KITLG: variants seen among roughly 807,000 people sequenced by gnomAD.
KITLG encodes the protein c-Kit ligand.
KITLG carries 13 observed loss-of-function variants against 34.1 expected under a neutral mutation model. The ratio of observed to expected loss-of-function variants is 0.38; its 90% confidence interval spans 0.25 to 0.61. The LOEUF (loss-of-function observed/expected upper bound fraction) is 0.61, where lower values mean the gene tolerates loss of function less well. Among genes scored for constraint, KITLG ranks in the 20% least tolerant of loss-of-function variants. The pLI, the probability that KITLG is intolerant of heterozygous loss-of-function variation, is 0.60. For missense variants in KITLG, 292 were observed against 318.9 expected (o/e 0.92, Z 0.64); for synonymous variants, 110 against 104.0 (o/e 1.06, Z -0.35).
At chr12:88,529,961 A>T (rs1330921227) in intron 3 of KITLG, among the ~76,000 whole-genome samples, 5 of 152,228 alleles carry the variant, frequency 3.3e-5, no homozygotes, top group South Asian at 2.1e-4. Flanking sequence ...AAACAAGCAC[A>T]AAATATGTGG....
At chr12:88,524,727 T>G (rs1044049786) in intron 3 of KITLG, among the ~76,000 whole-genome samples, 9 of 152,214 alleles carry the variant, frequency 5.9e-5, no homozygotes, top group African/African-American at 2.2e-4. Flanking sequence ...GACGGGCCCC[T>G]GTGCTGTAGT....
In KITLG at chr12:88,505,070, G is replaced by A. The variant is rs139609350; in HGVS notation, c.*37+89C>T. ...ACCAACATGGCACATGTAAACATACGTAACAAACCTGCACATTGTGCACAT... is the reference window on the plus strand; with the variant it reads ...ACCAACATGGCACATGTAAACATACATAACAAACCTGCACATTGTGCACAT... On this transcript the variant is annotated intron_variant, in intron 9 of 9. Transcript: ENST00000644744. 1.4e-4 allele frequency: 92 copies of A among 674,140 alleles called. No individual in the cohort carries two copies. The African/African-American group carries it at 1.4e-3, about 10-fold the overall frequency. The allele number at this position is 674,140 out of a possible 1,614,324, so 41.8% of individuals were successfully genotyped here.
chr12:88,566,851 G>T (rs1241834192), intron 1 of KITLG, among the ~76,000 whole-genome samples: 1 of 151,952 alleles, frequency 6.6e-6, no homozygotes, highest in Non-Finnish European at 1.5e-5. Context: ...TAAAATTATA[G>T]GATCTACCCC....
In KITLG at chr12:88,496,965, AG is replaced by A. The variant is rs1230502368; in HGVS notation, c.*253del. ...GTTCTAAATGAGACCCAAGTCCCGC[AG>A]TCCTTAAAATAGAGTCCTGCTCCAT... On this transcript the variant is annotated 3_prime_UTR_variant, in exon 10 of 10. Coordinates refer to ENST00000644744, the MANE Select transcript of KITLG (RefSeq NM_000899.5). 1 of 181,898 alleles carries A rather than the reference AG, an allele frequency of 5.5e-6. No homozygotes were observed. The highest frequency in any genetic ancestry group is 1.2e-5 in the Non-Finnish European group (1 of 84,616). 11.3% of individuals were successfully genotyped at this position (181,898 alleles called of 1,614,324 possible).
At chr12:88,535,542 G>C (rs914900629) in intron 2 of KITLG, among the ~76,000 whole-genome samples, 2 of 152,054 alleles carry the variant, frequency 1.3e-5, no homozygotes, top group Non-Finnish European at 2.9e-5. Flanking sequence ...TTGTGTGCTG[G>C]GGCTCAGCAC....
intron 1 of KITLG, among the ~76,000 whole-genome samples, chr12:88,571,790 A>G (rs552262399): frequency 6.6e-6 from 1 of 152,248 alleles, no homozygotes; most frequent in Non-Finnish European, 1.5e-5. Flanking sequence ...TTTTTGATTC[A>G]ATGTTCATGT....
At position 88,495,150 on chromosome 12, in the gene KITLG, G is replaced by A. The variant is rs1272416983; in HGVS notation, c.*2069C>T. The A allele has an allele frequency of 6.6e-6, 1 of 151,940 alleles. No individual in the cohort carries two copies. Among genetic ancestry groups the A allele is most frequent in the Non-Finnish European group, 1.5e-5 (1 of 67,940 alleles). 9.4% of individuals were successfully genotyped at this position (151,940 alleles called of 1,614,324 possible). The stretch of plus-strand genomic sequence containing the variant: ...ATTGATTAAGACCATGTCCATGAGT[G>A]TTAAAACCCAGCTACTAGGTTTGAG... On this transcript the variant is annotated 3_prime_UTR_variant, in exon 10 of 10. Transcript: ENST00000644744.
intron 2 of KITLG, among the ~76,000 whole-genome samples, chr12:88,535,422 T>C (rs1008377670): frequency 2.0e-5 from 3 of 152,196 alleles, no homozygotes; most frequent in African/African-American, 7.2e-5. Context: ...TGAGAGATTA[T>C]ATTAAGCTTA....
rs554735245 is a variant in KITLG, at chr12:88,495,702, C to T, written c.*1517G>A. 6.6e-6 allele frequency: 1 copy of T among 152,464 alleles called. No individual in the cohort carries two copies. The highest frequency in any genetic ancestry group is 2.1e-4 in the South Asian group (1 of 4,824). 9.4% of individuals were successfully genotyped at this position (152,464 alleles called of 1,614,324 possible). A position where few individuals can be genotyped will look rare whatever the true frequency, so the allele number is the denominator to read the frequency against. Reference sequence around the variant, plus strand: ...GAAAGCTAGCAGTTAGTTTTTCATGCCCTTTTGTGTCACTACATTGAAAAC... The same window carrying T: ...GAAAGCTAGCAGTTAGTTTTTCATGTCCTTTTGTGTCACTACATTGAAAAC... On this transcript the variant is annotated 3_prime_UTR_variant, in exon 10 of 10. Coordinates refer to ENST00000644744, the MANE Select transcript of KITLG (RefSeq NM_000899.5).
intron 2 of KITLG, among the ~76,000 whole-genome samples, chr12:88,541,081 C>G (rs894892206): frequency 6.6e-6 from 1 of 152,018 alleles, no homozygotes; most frequent in African/African-American, 2.4e-5. Context: ...TACTTGAGAA[C>G]AATAATATTT....
Position 88,567,997 on chromosome 12 carries a change from T to C in KITLG, c.15+12267A>G, listed in dbSNP as rs559183996. Among the ~76,000 whole-genome samples the C allele has an allele frequency of 3.3e-4, 51 of 152,334 alleles. No individual in the cohort carries two copies. In the South Asian group the frequency reaches 5.2e-3, roughly 15 times the overall value. ...AGACATTAATAAACTAAAGTTTTCA[T>C]GTACTTGGAAAATTTATATTTTTTA... On this transcript the variant is annotated intron_variant, in intron 1 of 9. Coordinates refer to ENST00000644744, the MANE Select transcript of KITLG (RefSeq NM_000899.5).
At chr12:88,521,607 C>T (rs1203293677) in intron 3 of KITLG, among the ~76,000 whole-genome samples, 1 of 151,988 alleles carries the variant, frequency 6.6e-6, no homozygotes, top group South Asian at 2.1e-4. Flanking sequence ...CTCTCTTTCA[C>T]TAGAAAATAT....
chr12:88,551,011 T>G (rs776943561), intron 1 of KITLG, among the ~76,000 whole-genome samples: 14 of 152,220 alleles, frequency 9.2e-5, no homozygotes, highest in Non-Finnish European at 2.1e-4. Context: ...AGACACAGTT[T>G]TGTTCATTTT....
chr12:88,523,613 T>C (rs1046912438), intron 3 of KITLG, among the ~76,000 whole-genome samples: 1 of 152,224 alleles, frequency 6.6e-6, no homozygotes, highest in Non-Finnish European at 1.5e-5. Context: ...GTGGACTTTA[T>C]TTACTGTTCT....
At chr12:88,502,598 AT>A (rs1368664818) in intron 9 of KITLG, among the ~76,000 whole-genome samples, 10 of 152,342 alleles carry the variant, frequency 6.6e-5, no homozygotes, top group African/African-American at 2.4e-4. Context: ...CTAACTGACT[AT>A]TCAACACATT....
intron 3 of KITLG, among the ~76,000 whole-genome samples, chr12:88,530,621 T>A (rs1043751390): frequency 3.3e-5 from 5 of 152,168 alleles, no homozygotes; most frequent in Non-Finnish European, 7.4e-5. Context: ...AACTAAATAC[T>A]TGCTTAGTAA....
intron 1 of KITLG, among the ~76,000 whole-genome samples, chr12:88,551,940 T>C (rs936750459): frequency 2.6e-5 from 4 of 151,736 alleles, no homozygotes; most frequent in Non-Finnish European, 5.9e-5. Context: ...CAGAGAGAGG[T>C]GCGATGATGG....
intron 1 of KITLG, among the ~76,000 whole-genome samples, chr12:88,578,079 T>C (rs890105547): frequency 6.6e-6 from 1 of 152,212 alleles, no homozygotes; most frequent in Non-Finnish European, 1.5e-5. Flanking sequence ...CCAATTTACA[T>C]AGGCTACCTT....
At chr12:88,527,487 A>G (rs1006990339) in intron 3 of KITLG, among the ~76,000 whole-genome samples, 10 of 152,230 alleles carry the variant, frequency 6.6e-5, no homozygotes, top group Non-Finnish European at 1.3e-4. Context: ...TTAGAGTGGC[A>G]TCACATGCTG....
Sources: gnomAD v4.1 joint callset for allele counts (sites outside exome capture counted in the v4.1 genomes callset) on GRCh38, gnomAD v4.1.1 for gene constraint, MANE v1.5 for transcripts, NCBI Gene and HGNC (gene_info 2026-07-23, HGNC 2026-07-21) for gene names.